ADK: variants seen among roughly 807,000 people sequenced by gnomAD.
The protein encoded by ADK is adenosine kinase.
Under a neutral mutation model 44.7 loss-of-function variants are expected in ADK, and 24 were observed. That is an observed-to-expected ratio of 0.54 (90% CI 0.39 to 0.76). The LOEUF (loss-of-function observed/expected upper bound fraction) is 0.76, where lower values mean the gene tolerates loss of function less well. Ranked by LOEUF, ADK falls within the 30% of genes least tolerant of loss-of-function variation. The probability of loss-of-function intolerance (pLI) is 0.00; values close to 1 mark genes in which losing one functional copy is unlikely to be tolerated. For missense variants in ADK, 321 were observed against 425.1 expected (o/e 0.76, Z 2.15); for synonymous variants, 128 against 142.6 (o/e 0.90, Z 0.73).
intron 7 of ADK, among the ~76,000 whole-genome samples, chr10:74,569,711 T>C (rs552093510): frequency 7.2e-5 from 11 of 152,298 alleles, no homozygotes; most frequent in Non-Finnish European, 1.6e-4. Flanking sequence ...AATTTTCTCC[T>C]ATTCTGTAGG....
chr10:74,524,462 G>A (rs758374023), intron 6 of ADK, among the ~76,000 whole-genome samples: 28 of 152,140 alleles, frequency 1.8e-4, no homozygotes, highest in South Asian at 6.2e-4. Flanking sequence ...GTGTCATCTC[G>A]GCTCACTTCA....
At chr10:74,342,357 A>G (rs1196928713) in intron 4 of ADK, among the ~76,000 whole-genome samples, 1 of 152,240 alleles carries the variant, frequency 6.6e-6, no homozygotes, top group Non-Finnish European at 1.5e-5. Flanking sequence ...CACTGTAAAG[A>G]AAACTTATTC....
intron 7 of ADK, among the ~76,000 whole-genome samples, chr10:74,527,086 G>A (rs1849071706): frequency 6.6e-6 from 1 of 152,216 alleles, no homozygotes; most frequent in South Asian, 2.1e-4. Flanking sequence ...AAGAGGCCGG[G>A]CACGGTGGCT....
chr10:74,379,746 AAT>A (rs1456733457), intron 4 of ADK, among the ~76,000 whole-genome samples: 1 of 152,162 alleles, frequency 6.6e-6, no homozygotes, highest in African/African-American at 2.4e-5. Flanking sequence ...GTCTATTTAA[AAT>A]ATATTTTAGC....
chr10:74,162,191 T>G (rs758053433), intron 1 of ADK, among the ~76,000 whole-genome samples: 2 of 151,998 alleles, frequency 1.3e-5, no homozygotes, highest in African/African-American at 2.4e-5. Flanking sequence ...TGGCTAAATT[T>G]TGTATTTTTA....
chr10:74,612,306 A>C (rs1852586342), intron 9 of ADK, among the ~76,000 whole-genome samples: 1 of 152,010 alleles, frequency 6.6e-6, no homozygotes, highest in South Asian at 2.1e-4. Context: ...TTTTATAGAG[A>C]AAGTGTCTTG....
At chr10:74,404,857 T>G (rs1843854100) in intron 6 of ADK, among the ~76,000 whole-genome samples, 1 of 152,178 alleles carries the variant, frequency 6.6e-6, no homozygotes, top group African/African-American at 2.4e-5. Context: ...TTACTCATTT[T>G]GATCAGTTTA....
chr10:74,191,566 A>G (rs552547767), intron 1 of ADK, among the ~76,000 whole-genome samples: 1 of 152,226 alleles, frequency 6.6e-6, no homozygotes, highest in South Asian at 2.1e-4. Context: ...CATTTTTAAT[A>G]TATCTGTTTT....
At chr10:74,429,262 G>A (rs951236776) in intron 6 of ADK, among the ~76,000 whole-genome samples, 9 of 152,140 alleles carry the variant, frequency 5.9e-5, no homozygotes, top group African/African-American at 2.2e-4. Flanking sequence ...TCAGGGAACT[G>A]ATTTTGTGCT....
chr10:74,217,477 C>T (rs1427093162), intron 2 of ADK, among the ~76,000 whole-genome samples: 1 of 152,240 alleles, frequency 6.6e-6, no homozygotes, highest in Admixed American at 6.5e-5. Flanking sequence ...GTAACCTCTG[C>T]AGACTTATAT....
chr10:74,709,071 CTT>C lies in ADK; in HGVS notation c.*627_*628del, dbSNP rs922729843. 2 of 152,450 alleles carry C rather than the reference CTT, an allele frequency of 1.3e-5. No homozygotes were observed. The highest frequency in any genetic ancestry group is 4.8e-5 in the African/African-American group (2 of 41,410). The allele number at this position is 152,450 out of a possible 1,614,324, so 9.4% of individuals were successfully genotyped here. ...TGTACCACAATATTCAAATCATAGT[CTT>C]ATGGAACTCTGTAATTGGACACAAA... On this transcript the variant is annotated 3_prime_UTR_variant, in exon 11 of 11. Transcript: ENST00000539909.
chr10:74,373,365 A>G (rs1429545657), intron 4 of ADK, among the ~76,000 whole-genome samples: 1 of 152,190 alleles, frequency 6.6e-6, no homozygotes, highest in Non-Finnish European at 1.5e-5. Context: ...TTTAAAGGAC[A>G]CCATCAAGAA....
intron 4 of ADK, among the ~76,000 whole-genome samples, chr10:74,334,313 A>G (rs1410181402): frequency 1.3e-5 from 2 of 152,200 alleles, no homozygotes; most frequent in African/African-American, 4.8e-5. Flanking sequence ...AACTTGAGAC[A>G]TGAGATAACA....
chr10:74,558,418 G>A (rs1850341755), intron 7 of ADK, among the ~76,000 whole-genome samples: 3 of 152,174 alleles, frequency 2.0e-5, no homozygotes, highest in African/African-American at 4.8e-5. Context: ...CCTGGCGAGA[G>A]GTGCTTGGAT....
At chr10:74,528,505 G>GA (rs1208854907) in intron 7 of ADK, among the ~76,000 whole-genome samples, 1 of 150,110 alleles carries the variant, frequency 6.7e-6, no homozygotes, top group Non-Finnish European at 1.5e-5. Context: ...GCAACAAATG[G>GA]AAAAAATAGA....
At chr10:74,442,832 TA>T (rs1430758925) in intron 6 of ADK, among the ~76,000 whole-genome samples, 1 of 152,088 alleles carries the variant, frequency 6.6e-6, no homozygotes, top group Non-Finnish European at 1.5e-5. Context: ...TGTTCAACCT[TA>T]AAAAAGAAGG....
intron 3 of ADK, among the ~76,000 whole-genome samples, chr10:74,290,472 C>T (rs975288248): frequency 1.3e-5 from 2 of 152,082 alleles, no homozygotes; most frequent in African/African-American, 4.8e-5. Context: ...ACTGGATTCT[C>T]ATTTGTTTAA....
At chr10:74,472,257 A>G (rs1436985799) in intron 6 of ADK, among the ~76,000 whole-genome samples, 1 of 152,158 alleles carries the variant, frequency 6.6e-6, no homozygotes, top group Non-Finnish European at 1.5e-5. Context: ...TTTGAGGGAA[A>G]GCTTTCTGTT....
At chr10:74,415,869 A>C (rs1280411262) in intron 6 of ADK, among the ~76,000 whole-genome samples, 2 of 152,018 alleles carry the variant, frequency 1.3e-5, no homozygotes, top group Admixed American at 1.3e-4. Flanking sequence ...TAATGTATTT[A>C]TGTCTTTATT....
Sources: allele counts gnomAD v4.1 joint callset (sites outside exome capture counted in the v4.1 genomes callset), GRCh38; gene constraint gnomAD v4.1.1; transcripts MANE v1.5; gene names NCBI Gene and HGNC (gene_info 2026-07-23, HGNC 2026-07-21).